CTNNA3: variants seen among roughly 807,000 people sequenced by gnomAD.
CTNNA3 encodes the protein catenin alpha-3.
CTNNA3 carries 76 observed loss-of-function variants against 95.7 expected under a neutral mutation model. The observed-to-expected ratio is 0.79, with a 90% CI of 0.66 to 0.96. The LOEUF (loss-of-function observed/expected upper bound fraction) is 0.96, where lower values mean the gene tolerates loss of function less well. CTNNA3 is among the 40% of genes least tolerant of loss of function. The probability of loss-of-function intolerance (pLI) is 0.00; values close to 1 mark genes in which losing one functional copy is unlikely to be tolerated. For synonymous variants in CTNNA3, 431 were observed against 374.4 expected (o/e 1.15, Z -1.74); for missense variants, 1,191 against 1,089.8 (o/e 1.09, Z -1.31).
intron 9 of CTNNA3, among the ~76,000 whole-genome samples, chr10:66,645,731 G>A (rs754566188): frequency 1.2e-4 from 18 of 152,160 alleles, no homozygotes; most frequent in Non-Finnish European, 2.4e-4. Flanking sequence ...AACAGCACAT[G>A]CAAGAAATCT....
chr10:65,979,870 C>T (rs973804976), intron 16 of CTNNA3, among the ~76,000 whole-genome samples: 14 of 152,104 alleles, frequency 9.2e-5, no homozygotes, highest in Non-Finnish European at 1.5e-4. Context: ...ATCTTGAGAA[C>T]TTTCTGTGCA....
chr10:67,386,185 G>A (rs138886012), intron 5 of CTNNA3, among the ~76,000 whole-genome samples: 1 of 152,284 alleles, frequency 6.6e-6, no homozygotes, highest in Non-Finnish European at 1.5e-5. Flanking sequence ...ACATTGCCAT[G>A]CACCATAGGG....
chr10:66,212,731 T>C (rs1228939850), intron 13 of CTNNA3, among the ~76,000 whole-genome samples: 1 of 152,156 alleles, frequency 6.6e-6, no homozygotes, highest in Non-Finnish European at 1.5e-5. Flanking sequence ...TGGGCAAGCA[T>C]GGTGGCTCAC....
intron 2 of CTNNA3, among the ~76,000 whole-genome samples, chr10:67,613,911 G>A (rs867834736): frequency 1.3e-5 from 2 of 152,164 alleles, no homozygotes; most frequent in African/African-American, 2.4e-5. Context: ...TGGTGGGTTC[G>A]TGGTCTCGCT....
At position 66,110,077 on chromosome 10, in the gene CTNNA3, G is replaced by A. The variant is rs1053712600; in HGVS notation, c.1885-6828C>T. Among the ~76,000 whole-genome samples the A allele has an allele frequency of 8.6e-5, 13 of 151,988 alleles. No homozygotes were observed. In the East Asian group the frequency reaches 2.3e-3, roughly 27 times the overall value. Reference sequence around the variant, plus strand: ...TTTGTGGTGAAAACAATATTCAAAAGGGTCTGGGCACAGTGGCTCATGCCT... The same window carrying A: ...TTTGTGGTGAAAACAATATTCAAAAAGGTCTGGGCACAGTGGCTCATGCCT... On this transcript the variant is annotated intron_variant, in intron 13 of 17. Coordinates refer to ENST00000433211, the MANE Select transcript of CTNNA3 (RefSeq NM_013266.4).
intron 5 of CTNNA3, among the ~76,000 whole-genome samples, chr10:67,228,215 A>G (rs143328834): frequency 6.6e-6 from 1 of 152,358 alleles, no homozygotes; most frequent in East Asian, 1.9e-4. Context: ...AAATGAAAAC[A>G]GATGATAAAT....
chr10:65,955,725 C>A (rs143850157), intron 17 of CTNNA3, among the ~76,000 whole-genome samples: 2 of 151,968 alleles, frequency 1.3e-5, no homozygotes, highest in Non-Finnish European at 2.9e-5. Flanking sequence ...GCGTTTCATC[C>A]CAGGGATGAA....
At chr10:66,488,316 GT>G (rs1839808734) in intron 11 of CTNNA3, among the ~76,000 whole-genome samples, 1 of 152,108 alleles carries the variant, frequency 6.6e-6, no homozygotes, top group Non-Finnish European at 1.5e-5. Context: ...ACATAGATGA[GT>G]TAGAGATAAA....
chr10:66,465,525 T>C (rs1838876462), intron 11 of CTNNA3, among the ~76,000 whole-genome samples: 1 of 152,280 alleles, frequency 6.6e-6, no homozygotes, highest in African/African-American at 2.4e-5. Context: ...AGCGTGTTTT[T>C]CAATCTTACT....
chr10:66,531,010 A>C (rs1306210725), intron 10 of CTNNA3, among the ~76,000 whole-genome samples: 2 of 152,184 alleles, frequency 1.3e-5, no homozygotes, highest in Non-Finnish European at 2.9e-5. Flanking sequence ...AAAATGTAAT[A>C]AGTGGGAAAA....
chr10:66,397,617 A>G (rs539639476), intron 11 of CTNNA3, among the ~76,000 whole-genome samples: 2 of 151,938 alleles, frequency 1.3e-5, no homozygotes, highest in East Asian at 1.9e-4. Flanking sequence ...AGAAATTTCA[A>G]GATAAATAAC....
chr10:66,874,463 T>C (rs968993518), intron 7 of CTNNA3, among the ~76,000 whole-genome samples: 2 of 152,226 alleles, frequency 1.3e-5, no homozygotes, highest in African/African-American at 4.8e-5. Flanking sequence ...CTGCAGTACC[T>C]ATGCAAAGAT....
chr10:66,397,571 CAG>C (rs1168524964), intron 11 of CTNNA3, among the ~76,000 whole-genome samples: 1 of 151,602 alleles, frequency 6.6e-6, no homozygotes, highest in Non-Finnish European at 1.5e-5. Flanking sequence ...TGAGTATTTG[CAG>C]AGTTCCTACT....
chr10:66,207,380 A>G (rs1235786489), intron 13 of CTNNA3, among the ~76,000 whole-genome samples: 1 of 151,992 alleles, frequency 6.6e-6, no homozygotes, highest in Non-Finnish European at 1.5e-5. Context: ...CTTCCTTTAT[A>G]TAATATGCAA....
At chr10:66,792,857 C>A (rs750677718) in intron 7 of CTNNA3, among the ~76,000 whole-genome samples, 1 of 152,148 alleles carries the variant, frequency 6.6e-6, no homozygotes, top group African/African-American at 2.4e-5. Flanking sequence ...TTAAAAGCCA[C>A]TCTATTTAGG....
In CTNNA3 at chr10:67,692,215, G is replaced by T. The variant is rs566203212; in HGVS notation, c.-6+3785C>A. On this transcript the variant is annotated intron_variant, in intron 1 of 17. Transcript: ENST00000433211. ...TGGGAAGTGAGGAGCCCCTCTGCCCGGCCACCACCCCGTCTGGGAGGTGTA... is the reference window on the plus strand; with the variant it reads ...TGGGAAGTGAGGAGCCCCTCTGCCCTGCCACCACCCCGTCTGGGAGGTGTA... Among the ~76,000 whole-genome samples the T allele has an allele frequency of 9.9e-4, 149 of 150,612 alleles. 1 individual carries two copies. Among genetic ancestry groups the T allele is most frequent in the African/African-American group, 3.3e-3 (134 of 41,090 alleles).
At chr10:66,500,221 A>T (rs1212167704) in intron 11 of CTNNA3, among the ~76,000 whole-genome samples, 1 of 152,164 alleles carries the variant, frequency 6.6e-6, no homozygotes, top group Non-Finnish European at 1.5e-5. Context: ...AAACCAAAAA[A>T]AATTGATACT....
chr10:66,239,755 G>A (rs1283164080), intron 13 of CTNNA3, among the ~76,000 whole-genome samples: 1 of 151,842 alleles, frequency 6.6e-6, no homozygotes, highest in African/African-American at 2.4e-5. Flanking sequence ...TATGCGCATT[G>A]TTTGGGACAA....
chr10:67,296,853 C>G (rs10823022), intron 5 of CTNNA3, among the ~76,000 whole-genome samples: 37,348 of 146,208 alleles, frequency 0.26, 6,808 homozygotes, highest in African/African-American at 0.52. Flanking sequence ...AGAATCGCTT[C>G]AACCCGGGAG....
Sources: gnomAD v4.1 joint callset for allele counts (sites outside exome capture counted in the v4.1 genomes callset) on GRCh38, gnomAD v4.1.1 for gene constraint, MANE v1.5 for transcripts, NCBI Gene and HGNC (gene_info 2026-07-23, HGNC 2026-07-21) for gene names.